MTFR1: variants seen among roughly 807,000 people sequenced by gnomAD.
MTFR1 encodes the protein mitochondrial fission regulator 1, also known as chondrocyte protein with a poly-proline region.
Under a neutral mutation model 38.8 loss-of-function variants are expected in MTFR1, and 28 were observed. The ratio of observed to expected loss-of-function variants is 0.72; its 90% CI spans 0.53 to 0.99. MTFR1 has a LOEUF of 0.99. MTFR1 is among the 50% of genes least tolerant of loss of function. The pLI is 0.00. For synonymous variants in MTFR1, 145 were observed against 137.0 expected (o/e 1.06, Z -0.41); for missense variants, 358 against 395.5 (o/e 0.91, Z 0.81).
At chr8:65,719,131 C>T (rs1375116533) in intron 2 of MTFR1, 1 of 614,658 alleles carries the variant, frequency 1.6e-6, no homozygotes, top group Admixed American at 2.8e-5. Context: ...CAAGTGGGTT[C>T]AAATGATCCA....
intron 3 of MTFR1, among the ~76,000 whole-genome samples, chr8:65,766,036 C>CT (rs1253839086): frequency 6.6e-6 from 1 of 152,228 alleles, no homozygotes; most frequent in Non-Finnish European, 1.5e-5. Context: ...ACCTCCGCCT[C>CT]TTGGGTTCAT....
At chr8:65,663,757 CTCCCCT>C (rs1290280105) in intron 1 of MTFR1, among the ~76,000 whole-genome samples, 5 of 149,800 alleles carry the variant, frequency 3.3e-5, no homozygotes, top group Non-Finnish European at 4.4e-5. Flanking sequence ...TTCTTTCCCC[CTCCCCT>C]TCCCCTTCCC....
chr8:65,667,643 G>A (rs1804425436), intron 1 of MTFR1, among the ~76,000 whole-genome samples: 1 of 152,038 alleles, frequency 6.6e-6, no homozygotes, highest in Non-Finnish European at 1.5e-5. Context: ...GGCCAGGCTG[G>A]TCTTGAACTC....
In MTFR1 at chr8:65,762,700, T is replaced by A. The variant is rs7822488; in HGVS notation, c.*49-8247T>A. On this transcript the variant is annotated intron_variant, in intron 3 of 3. Transcript: ENST00000521247. ...CATTATTATGAATATCAAATATTTTTAAATATGTCATACCATTTTTTTTAA... is the reference window on the plus strand; with the variant it reads ...CATTATTATGAATATCAAATATTTTAAAATATGTCATACCATTTTTTTTAA... Among the ~76,000 whole-genome samples the A allele has an allele frequency of 7.4e-4, 112 of 152,222 alleles. 1 individual carries two copies. Among genetic ancestry groups the A allele is most frequent in the African/African-American group, 2.5e-3 (103 of 41,464 alleles).
intron 1 of MTFR1, among the ~76,000 whole-genome samples, chr8:65,645,868 A>G (rs1808953135): frequency 6.6e-6 from 1 of 152,154 alleles, no homozygotes; most frequent in African/African-American, 2.4e-5. Flanking sequence ...ACATTATATA[A>G]TTTCAATTAT....
At chr8:65,703,250 G>A (rs1805668781) in intron 4 of MTFR1, among the ~76,000 whole-genome samples, 2 of 151,726 alleles carry the variant, frequency 1.3e-5, no homozygotes, top group Non-Finnish European at 2.9e-5. Flanking sequence ...CCAGGCATGG[G>A]TGGCACGCAC....
chr8:65,724,366 A>T (rs371408919), intron 3 of MTFR1: 10 of 1,577,320 alleles, frequency 6.3e-6, no homozygotes, highest in Non-Finnish European at 8.7e-6. Context: ...CAAACAAAAC[A>T]TTAATATTGT....
At chr8:65,755,303 G>A (rs1481967218) in intron 3 of MTFR1, among the ~76,000 whole-genome samples, 3 of 152,262 alleles carry the variant, frequency 2.0e-5, no homozygotes, top group South Asian at 4.2e-4. Flanking sequence ...TTACAGGCAT[G>A]AGCCATCATG....
intron 3 of MTFR1, chr8:65,734,682 G>T: frequency 1.5e-6 from 1 of 666,772 alleles, no homozygotes. Flanking sequence ...TCATTCTTGT[G>T]AAGGAAGTCT....
chr8:65,655,632 G>A (rs183827649), intron 1 of MTFR1, among the ~76,000 whole-genome samples: 1 of 152,094 alleles, frequency 6.6e-6, no homozygotes, highest in Admixed American at 6.6e-5. Context: ...CCCTGGACTT[G>A]AATTTCAAAG....
intron 2 of MTFR1, among the ~76,000 whole-genome samples, chr8:65,678,729 C>T (rs546644124): frequency 9.2e-5 from 14 of 152,110 alleles, no homozygotes; most frequent in Middle Eastern, 6.8e-3. Flanking sequence ...CGTGAAACCC[C>T]GTCTCTACTA....
At chr8:65,740,450 G>A (rs1032630248) in intron 3 of MTFR1, among the ~76,000 whole-genome samples, 3 of 151,980 alleles carry the variant, frequency 2.0e-5, no homozygotes, top group Admixed American at 6.6e-5. Flanking sequence ...ACCTGGGCTG[G>A]AGTACAATGG....
At chr8:65,724,372 A>G (rs1208788951) in intron 3 of MTFR1, 1 of 1,555,334 alleles carries the variant, frequency 6.4e-7, no homozygotes. Flanking sequence ...AAACATTAAT[A>G]TTGTTTTAAG....
chr8:65,688,675 A>G (rs144772389), intron 3 of MTFR1, among the ~76,000 whole-genome samples: 6,235 of 150,022 alleles, frequency 0.042, 187 homozygotes, highest in Non-Finnish European at 0.062. Context: ...CGATCTCCTG[A>G]CCTCGTGATC....
chr8:65,697,130 G>A (rs550990869), intron 4 of MTFR1, among the ~76,000 whole-genome samples: 8 of 151,232 alleles, frequency 5.3e-5, no homozygotes, highest in African/African-American at 1.5e-4. Flanking sequence ...GATTACAGGC[G>A]CCTGCCTCCA....
In MTFR1 at chr8:65,707,109, C is replaced by G; in HGVS notation, c.617C>G (p.Ser206Cys). 7.0e-7 allele frequency: 1 copy of G among 1,423,838 alleles called. No homozygotes were observed. The highest frequency in any genetic ancestry group is 9.4e-7 in the Non-Finnish European group (1 of 1,059,108). The allele number at this position is 1,423,838 out of a possible 1,614,324, so 88.2% of individuals were successfully genotyped here. A position where few individuals can be genotyped will look rare whatever the true frequency, so the allele number is the denominator to read the frequency against. Residue 206 changes from serine to cysteine, a missense_variant, in exon 6 of 8, where the codon TCT becomes TGT. Physicochemically the swap from Ser to Cys is moderately radical, Grantham distance 112. Coordinates refer to ENST00000262146, the MANE Select transcript of MTFR1 (RefSeq NM_014637.4). ...GCACTGGGGCTCCACCAAAGTACAT[C>G]TGCTGTTGATCTGATTAAAGAACGA... ...PPALGLHQSTSAVDLIKERRE... is the reference protein window; with the variant it reads ...PPALGLHQSTCAVDLIKERRE...
At chr8:65,665,404 T>G (rs1438768531) in intron 1 of MTFR1, among the ~76,000 whole-genome samples, 1 of 152,178 alleles carries the variant, frequency 6.6e-6, no homozygotes, top group Admixed American at 6.6e-5. Context: ...AACATTAAGA[T>G]ATATCTGCCT....
intron 3 of MTFR1, among the ~76,000 whole-genome samples, chr8:65,754,089 A>G (rs1038474403): frequency 2.0e-5 from 3 of 152,156 alleles, no homozygotes; most frequent in African/African-American, 7.2e-5. Context: ...AAGGAAAGCA[A>G]GTCTGAGTCC....
At chr8:65,763,314 C>T (rs1390803669) in intron 3 of MTFR1, among the ~76,000 whole-genome samples, 1 of 152,030 alleles carries the variant, frequency 6.6e-6, no homozygotes, top group Non-Finnish European at 1.5e-5. Context: ...CCTGTTAATC[C>T]CAGCACTTTG....
Sources: allele counts gnomAD v4.1 joint callset (sites outside exome capture counted in the v4.1 genomes callset), GRCh38; gene constraint gnomAD v4.1.1; transcripts MANE v1.5; gene names NCBI Gene and HGNC (gene_info 2026-07-23, HGNC 2026-07-21).